Variants in DSCAM observed in about 807,000 individuals in gnomAD.
The protein encoded by DSCAM is DS cell adhesion molecule.
DSCAM carries 47 observed loss-of-function variants against 217.7 expected under a neutral mutation model. That is an observed-to-expected ratio of 0.22 (90% CI 0.17 to 0.28). The LOEUF is 0.28. DSCAM is among the 10% of genes least tolerant of loss of function. The pLI is 1.00. For synonymous variants in DSCAM, 1,056 were observed against 1,015.3 expected (o/e 1.04, Z -0.76); for missense variants, 2,080 against 2,618.3 (o/e 0.79, Z 4.49).
intron 20 of DSCAM, among the ~76,000 whole-genome samples, chr21:40,114,944 G>A (rs2089949476): frequency 6.6e-6 from 1 of 152,142 alleles, no homozygotes; most frequent in Admixed American, 6.5e-5. Flanking sequence ...GGAGAAATAG[G>A]AACACTTTTA....
At chr21:40,752,915 A>G (rs939304098) in intron 1 of DSCAM, among the ~76,000 whole-genome samples, 3 of 151,472 alleles carry the variant, frequency 2.0e-5, no homozygotes, top group Admixed American at 1.3e-4. Flanking sequence ...CATTTGTTGA[A>G]TGAATGAAGT....
At chr21:40,492,670 A>G (rs1380787788) in intron 3 of DSCAM, among the ~76,000 whole-genome samples, 2 of 127,530 alleles carry the variant, frequency 1.6e-5, no homozygotes, top group Admixed American at 8.4e-5. Flanking sequence ...AGAAGAAATT[A>G]TATAATTAGA....
intron 3 of DSCAM, among the ~76,000 whole-genome samples, chr21:40,423,349 C>T (rs1052140551): frequency 6.6e-6 from 1 of 151,768 alleles, no homozygotes; most frequent in African/African-American, 2.4e-5. Flanking sequence ...TTATCCACAA[C>T]GAGAGAGAGA....
intron 16 of DSCAM, among the ~76,000 whole-genome samples, chr21:40,147,887 C>A (rs2090376987): frequency 6.6e-6 from 1 of 151,854 alleles, no homozygotes; most frequent in South Asian, 2.1e-4. Flanking sequence ...TATTTACTAC[C>A]ACAAATGCTA....
At chr21:40,578,196 G>C (rs2076870360) in intron 3 of DSCAM, among the ~76,000 whole-genome samples, 1 of 152,146 alleles carries the variant, frequency 6.6e-6, no homozygotes. Flanking sequence ...GCAGTATCTA[G>C]TTAAACCCTT....
Position 40,294,725 on chromosome 21 carries a change from T to C in DSCAM, c.2182+1330A>G, listed in dbSNP as rs374356801. Among the ~76,000 whole-genome samples the C allele has an allele frequency of 4.6e-5, 7 of 152,348 alleles. No homozygotes were observed. The South Asian group carries it at 6.2e-4, about 14-fold the overall frequency. ...CCATAATATCAAATATGCACTTCCA[T>C]AGAAACTAAATTAAATTTATGATGT... On this transcript the variant is annotated intron_variant, in intron 10 of 32. Coordinates refer to ENST00000400454, the MANE Select transcript of DSCAM (RefSeq NM_001389.5).
intron 4 of DSCAM, among the ~76,000 whole-genome samples, chr21:40,359,434 G>A (rs960524834): frequency 2.0e-5 from 3 of 152,164 alleles, no homozygotes; most frequent in African/African-American, 7.2e-5. Context: ...TTTTCTTAAA[G>A]TGTTTAAACT....
chr21:40,205,593 A>G (rs1204147446), intron 11 of DSCAM, among the ~76,000 whole-genome samples: 1 of 139,586 alleles, frequency 7.2e-6, no homozygotes, highest in African/African-American at 2.9e-5. Context: ...ACAGAGCAAG[A>G]CTCTATCTCA....
At chr21:40,074,235 C>A (rs1415631325) in intron 27 of DSCAM, among the ~76,000 whole-genome samples, 3 of 152,196 alleles carry the variant, frequency 2.0e-5, no homozygotes, top group African/African-American at 7.2e-5. Flanking sequence ...TGCTGCATAG[C>A]AGTATCCCAC....
At chr21:40,121,693 T>C (rs1191472880) in intron 20 of DSCAM, among the ~76,000 whole-genome samples, 1 of 109,936 alleles carries the variant, frequency 9.1e-6, no homozygotes, top group Non-Finnish European at 1.8e-5. Flanking sequence ...TTTTTTTTTT[T>C]TTTTTTTTTT....
chr21:40,570,082 C>T (rs767919832), intron 3 of DSCAM, among the ~76,000 whole-genome samples: 12 of 152,108 alleles, frequency 7.9e-5, no homozygotes, highest in Admixed American at 2.0e-4. Flanking sequence ...AAAAAGAGAT[C>T]TCCCCAGGTA....
At chr21:40,721,056 G>A (rs1174204510) in intron 1 of DSCAM, among the ~76,000 whole-genome samples, 1 of 152,100 alleles carries the variant, frequency 6.6e-6, no homozygotes, top group Non-Finnish European at 1.5e-5. Context: ...CAGCAAAAGA[G>A]GTAAGAACTT....
intron 3 of DSCAM, among the ~76,000 whole-genome samples, chr21:40,551,413 G>A (rs1287333248): frequency 5.9e-5 from 9 of 152,198 alleles, no homozygotes; most frequent in Admixed American, 1.3e-4. Context: ...ATTAAGATAA[G>A]GGGTTGTGGA....
At chr21:40,337,023 C>T (rs1452940872) in intron 8 of DSCAM, among the ~76,000 whole-genome samples, 1 of 152,126 alleles carries the variant, frequency 6.6e-6, no homozygotes, top group African/African-American at 2.4e-5. Context: ...ATCTAATATA[C>T]AATGCACAAT....
chr21:40,176,514 C>A (rs915728560), intron 15 of DSCAM, among the ~76,000 whole-genome samples: 1 of 152,154 alleles, frequency 6.6e-6, no homozygotes, highest in African/African-American at 2.4e-5. Flanking sequence ...GTGTCTACAG[C>A]CCCTGCTCAA....
intron 3 of DSCAM, among the ~76,000 whole-genome samples, chr21:40,414,551 C>G (rs4352296): frequency 4.6e-5 from 7 of 152,084 alleles, no homozygotes; most frequent in Non-Finnish European, 7.4e-5. Flanking sequence ...TACACTTTTT[C>G]CATGAGGTAC....
intron 4 of DSCAM, among the ~76,000 whole-genome samples, chr21:40,362,687 A>C (rs1263502934): frequency 1.3e-5 from 2 of 152,218 alleles, no homozygotes; most frequent in East Asian, 3.8e-4. Context: ...AGCTATAGGA[A>C]AGACAATACA....
chr21:40,617,707 A>G (rs534148995), intron 3 of DSCAM, among the ~76,000 whole-genome samples: 7 of 152,332 alleles, frequency 4.6e-5, no homozygotes, highest in African/African-American at 1.7e-4. Flanking sequence ...TTATGGTTGA[A>G]ACTGTCTGCT....
chr21:40,125,827 A>G (rs977889823), intron 19 of DSCAM, among the ~76,000 whole-genome samples: 3 of 152,216 alleles, frequency 2.0e-5, no homozygotes, highest in Admixed American at 1.3e-4. Flanking sequence ...CCTCCTGAAC[A>G]ACAAGGGCAG....
Sources: allele counts gnomAD v4.1 joint callset (sites outside exome capture counted in the v4.1 genomes callset), GRCh38; gene constraint gnomAD v4.1.1; transcripts MANE v1.5; gene names NCBI Gene and HGNC (gene_info 2026-07-23, HGNC 2026-07-21).